The following GOLM2 variants were observed in gnomAD, a reference collection of about 807,000 sequenced individuals.
The protein encoded by GOLM2 is golgi membrane protein 2.
Under a neutral mutation model 55.9 loss-of-function variants are expected in GOLM2, and 26 were observed. The observed-to-expected ratio is 0.47, with a 90% CI of 0.34 to 0.65. GOLM2 has a LOEUF of 0.65. Ranked by LOEUF, GOLM2 falls within the 30% of genes least tolerant of loss-of-function variation. The pLI is 0.01. For synonymous variants in GOLM2, 165 were observed against 194.6 expected (o/e 0.85, Z 1.27); for missense variants, 486 against 531.8 (o/e 0.91, Z 0.85).
At chr15:44,317,251 C>G (rs924616551) in intron 1 of GOLM2, among the ~76,000 whole-genome samples, 3 of 152,092 alleles carry the variant, frequency 2.0e-5, no homozygotes, top group Admixed American at 6.6e-5. Context: ...GTAGCACATG[C>G]CTGTGGTCCC....
chr15:44,399,447 A>T (rs376065041), intron 8 of GOLM2, among the ~76,000 whole-genome samples: 2 of 152,180 alleles, frequency 1.3e-5, no homozygotes, highest in East Asian at 3.8e-4. Flanking sequence ...TTGTGTCATT[A>T]TTCATTCTTG....
chr15:44,408,063 T>A (rs1391071090), intron 9 of GOLM2, among the ~76,000 whole-genome samples: 2 of 152,230 alleles, frequency 1.3e-5, no homozygotes, highest in Non-Finnish European at 2.9e-5. Context: ...TAGCGCTTTC[T>A]TTAATGGAGG....
rs2079587773 is a variant in GOLM2 at position 44,404,856 on chromosome 15, C to G, written c.1240+1802C>G. 2.6e-5 allele frequency among the ~76,000 whole-genome samples: 4 copies of G among 152,204 alleles called. No individual in the cohort carries two copies. The South Asian group carries it at 8.3e-4, about 32-fold the overall frequency. On this transcript the variant is annotated intron_variant, in intron 9 of 9. Transcript: ENST00000299957. ...TGAGCATTTATTCTTATAACTGTGACTAGGGTAATAACTCTTTAACTTCTG... is the reference window on the plus strand; with the variant it reads ...TGAGCATTTATTCTTATAACTGTGAGTAGGGTAATAACTCTTTAACTTCTG...
At chr15:44,392,621 CAAA>C (rs1348742634) in intron 8 of GOLM2, among the ~76,000 whole-genome samples, 6 of 73,298 alleles carry the variant, frequency 8.2e-5, no homozygotes, top group Non-Finnish European at 5.6e-5. Context: ...GACTCGGTCT[CAAA>C]AAAAAAAAAA....
At chr15:44,322,395 A>G (rs2078956863) in intron 1 of GOLM2, among the ~76,000 whole-genome samples, 1 of 152,170 alleles carries the variant, frequency 6.6e-6, no homozygotes, top group Admixed American at 6.5e-5. Flanking sequence ...CCATGGTGCT[A>G]CTTCTGATTA....
At chr15:44,405,626 C>CT (rs1374343077) in intron 9 of GOLM2, among the ~76,000 whole-genome samples, 132 of 147,670 alleles carry the variant, frequency 8.9e-4, no homozygotes, top group Non-Finnish European at 1.3e-3. Flanking sequence ...TGTTTTTTTG[C>CT]TTTTTTTTTT....
intron 4 of GOLM2, among the ~76,000 whole-genome samples, chr15:44,333,825 C>T (rs1167327622): frequency 1.3e-5 from 2 of 152,058 alleles, no homozygotes; most frequent in African/African-American, 2.4e-5. Context: ...CACACATTCT[C>T]CTGCCTCAGC....
At chr15:44,292,491 C>T (rs746208378) in intron 1 of GOLM2, among the ~76,000 whole-genome samples, 6 of 152,034 alleles carry the variant, frequency 3.9e-5, no homozygotes, top group African/African-American at 4.8e-5. Flanking sequence ...CCACCGCACC[C>T]GGCTAGTTCT....
intron 8 of GOLM2, among the ~76,000 whole-genome samples, chr15:44,386,696 C>T (rs1390231786): frequency 6.6e-6 from 1 of 151,950 alleles, no homozygotes; most frequent in Non-Finnish European, 1.5e-5. Context: ...CGTAGCAAGA[C>T]CCTATCTCTA....
At chr15:44,321,558 G>C (rs1418786136) in intron 1 of GOLM2, among the ~76,000 whole-genome samples, 1 of 151,782 alleles carries the variant, frequency 6.6e-6, no homozygotes, top group Non-Finnish European at 1.5e-5. Flanking sequence ...TGTGATGGTA[G>C]TTATACAAAT....
At chr15:44,397,940 TC>T (rs1488347023) in intron 8 of GOLM2, among the ~76,000 whole-genome samples, 7 of 152,216 alleles carry the variant, frequency 4.6e-5, no homozygotes, top group African/African-American at 1.7e-4. Context: ...TGACATATAT[TC>T]ATTTTGTCAT....
intron 1 of GOLM2, among the ~76,000 whole-genome samples, chr15:44,309,605 GA>G (rs1451252067): frequency 1.3e-5 from 2 of 152,062 alleles, no homozygotes; most frequent in African/African-American, 4.8e-5. Flanking sequence ...TTAGCAGTGG[GA>G]CTTTGTAGAA....
At chr15:44,383,875 C>T (rs990127290) in intron 8 of GOLM2, among the ~76,000 whole-genome samples, 6 of 151,824 alleles carry the variant, frequency 4.0e-5, no homozygotes, top group Admixed American at 2.0e-4. Context: ...AATGAGGTCT[C>T]GTTCTGTTGT....
rs999463066 is a variant in GOLM2 at position 44,411,753 on chromosome 15, C to T, written c.1241-1583C>T. ...CTGAGGCAGGAGATTCCCTTGAACCCAGGAGACAGAGGTTGCATTGAGCTG... is the reference window on the plus strand; with the variant it reads ...CTGAGGCAGGAGATTCCCTTGAACCTAGGAGACAGAGGTTGCATTGAGCTG... On this transcript the variant is annotated intron_variant, in intron 9 of 9. Coordinates refer to ENST00000299957, the MANE Select transcript of GOLM2 (RefSeq NM_138423.4). Among the ~76,000 whole-genome samples, 29 of 148,360 alleles carry T rather than the reference C, an allele frequency of 2.0e-4. 1 individual carries two copies. The highest frequency in any genetic ancestry group is 7.3e-4 in the African/African-American group (29 of 39,850).
In GOLM2 at chr15:44,391,434, G is replaced by A. The variant is rs531258295; in HGVS notation, c.1072+10458G>A. Among the ~76,000 whole-genome samples the A allele has an allele frequency of 1.4e-4, 21 of 151,692 alleles. 1 individual carries two copies. The highest frequency in any genetic ancestry group is 3.4e-3 in the Middle Eastern group (1 of 294). The stretch of plus-strand genomic sequence containing the variant: ...TGGGAGGCTGAGGCAGGAGAATGGC[G>A]TGAACCCGGGAGGTGGAGGTTGCAG... On this transcript the variant is annotated intron_variant, in intron 8 of 9. Coordinates refer to ENST00000299957, the MANE Select transcript of GOLM2 (RefSeq NM_138423.4).
rs191502489 is a variant in GOLM2 at position 44,371,714 on chromosome 15, A to C, written c.803-7976A>C. ...AGTAACTTTCCAAAACATTACTATAAGTAAATATTCATCAGGACTCTGAAG... is the reference window on the plus strand; with the variant it reads ...AGTAACTTTCCAAAACATTACTATACGTAAATATTCATCAGGACTCTGAAG... On this transcript the variant is annotated intron_variant, in intron 6 of 9. Transcript: ENST00000299957. Among the ~76,000 whole-genome samples, 681 of 152,326 alleles carry C rather than the reference A, an allele frequency of 4.5e-3. 4 individuals carry two copies. The highest frequency in any genetic ancestry group is 0.016 in the African/African-American group (648 of 41,572).
chr15:44,342,027 G>A (rs538010947), intron 6 of GOLM2, among the ~76,000 whole-genome samples: 2 of 151,920 alleles, frequency 1.3e-5, no homozygotes, highest in Non-Finnish European at 2.9e-5. Flanking sequence ...AATGAATAGC[G>A]CTACTTTTGA....
rs529074203 is a variant in GOLM2, at chr15:44,382,971, C to T, written c.1072+1995C>T. On this transcript the variant is annotated intron_variant, in intron 8 of 9. Transcript: ENST00000299957. ...GCCTATTGAGTTTTAAACCCTCACT[C>T]CATATTATTTTCCATTTATCATTAA... 1.7e-3 allele frequency among the ~76,000 whole-genome samples: 254 copies of T among 150,726 alleles called. 2 individuals carry two copies. The highest frequency in any genetic ancestry group is 6.0e-3 in the African/African-American group (246 of 41,256).
intron 9 of GOLM2, among the ~76,000 whole-genome samples, chr15:44,404,656 A>G (rs1173452413): frequency 1.3e-5 from 2 of 152,052 alleles, no homozygotes; most frequent in African/African-American, 4.8e-5. Flanking sequence ...TGTATATCAT[A>G]TCACCAATTA....
Sources: gnomAD v4.1 joint callset for allele counts (sites outside exome capture counted in the v4.1 genomes callset) on GRCh38, gnomAD v4.1.1 for gene constraint, MANE v1.5 for transcripts, NCBI Gene and HGNC (gene_info 2026-07-23, HGNC 2026-07-21) for gene names.